ANO4: variants seen among roughly 807,000 people sequenced by gnomAD.
ANO4 encodes anoctamin 4.
In ANO4, 69 loss-of-function variants were observed where a neutral mutation model predicts 141.9. That is an observed-to-expected ratio of 0.49 (90% CI 0.40 to 0.59). The LOEUF is 0.59. ANO4 is among the 20% of genes least tolerant of loss of function. The probability of loss-of-function intolerance (pLI) is 0.00; values close to 1 mark genes in which losing one functional copy is unlikely to be tolerated. For missense variants in ANO4, 894 were observed against 1,162.2 expected (o/e 0.77, Z 3.36); for synonymous variants, 350 against 394.3 (o/e 0.89, Z 1.33).
intron 3 of ANO4, among the ~76,000 whole-genome samples, chr12:100,771,368 C>T (rs2033290424): frequency 6.6e-6 from 1 of 152,168 alleles, no homozygotes; most frequent in South Asian, 2.1e-4. Context: ...GCTGAGCTGT[C>T]AGGTGTCAGG....
At chr12:100,843,876 G>A (rs2037409587) in intron 1 of ANO4, among the ~76,000 whole-genome samples, 1 of 152,140 alleles carries the variant, frequency 6.6e-6, no homozygotes, top group Non-Finnish European at 1.5e-5. Flanking sequence ...AAAGACTGTT[G>A]GAGTTATTAG....
At chr12:100,949,549 T>C (rs890253989) in intron 5 of ANO4, among the ~76,000 whole-genome samples, 1 of 152,234 alleles carries the variant, frequency 6.6e-6, no homozygotes, top group African/African-American at 2.4e-5. Context: ...TCATTACTGT[T>C]ATCATAACGG....
At position 101,043,762 on chromosome 12, in the gene ANO4, T is replaced by C. The variant is rs955700595; in HGVS notation, c.1251+127T>C. 15 of 666,974 alleles carry C rather than the reference T, an allele frequency of 2.2e-5. No individual in the cohort carries two copies. In the African/African-American group the frequency reaches 2.3e-4, roughly 10 times the overall value. 41.3% of individuals were successfully genotyped at this position (666,974 alleles called of 1,614,324 possible). A position where few individuals can be genotyped will look rare whatever the true frequency, so the allele number is the denominator to read the frequency against. On this transcript the variant is annotated intron_variant, in intron 13 of 27. Transcript: ENST00000392977. ...AAGTGAATGTTGTAGGATAGACTTA[T>C]CTCCATCATTCAGTATTCTAATTCC...
rs538984986 is a variant in ANO4, at chr12:100,922,580, T to C, written c.160+250T>C. Among the ~76,000 whole-genome samples the C allele has an allele frequency of 3.3e-5, 5 of 152,288 alleles. No individual in the cohort carries two copies. In the East Asian group the frequency reaches 9.7e-4, roughly 29 times the overall value. ...ATAACGGAATGATCAATTCTGTATA[T>C]TGTATTTCATGTAATAATATTTAGT... On this transcript the variant is annotated intron_variant, in intron 3 of 27. Transcript: ENST00000392977.
At chr12:101,006,869 T>C (rs1247495646) in intron 8 of ANO4, among the ~76,000 whole-genome samples, 1 of 152,222 alleles carries the variant, frequency 6.6e-6, no homozygotes, top group African/African-American at 2.4e-5. Context: ...CAATTATATT[T>C]GCAAACTTTT....
intron 22 of ANO4, 146 bp downstream of exon 22, chr12:101,099,866 C>T (rs1468242451): frequency 1.8e-6 from 1 of 543,584 alleles, no homozygotes; most frequent in Non-Finnish European, 2.9e-6. Flanking sequence ...CCTGCTTAAA[C>T]TGTGCTACAC....
chr12:100,947,937 A>G (rs1206421609), intron 5 of ANO4, among the ~76,000 whole-genome samples: 1 of 152,104 alleles, frequency 6.6e-6, no homozygotes, highest in Non-Finnish European at 1.5e-5. Flanking sequence ...TAATCCCAGC[A>G]CTTTGGGAGG....
At chr12:100,725,094 A>G (rs2031049058) in intron 1 of ANO4, among the ~76,000 whole-genome samples, 1 of 152,168 alleles carries the variant, frequency 6.6e-6, no homozygotes, top group South Asian at 2.1e-4. Context: ...GATGGTGAAT[A>G]TTTTTGCAAA....
chr12:100,850,930 A>G (rs556512891), intron 1 of ANO4, among the ~76,000 whole-genome samples: 1 of 152,136 alleles, frequency 6.6e-6, no homozygotes, highest in Non-Finnish European at 1.5e-5. Context: ...TGAGATATTA[A>G]TATTCTATAT....
rs768011354 is a variant in ANO4 at position 100,939,353 on chromosome 12, G to A, written c.199G>A (p.Ala67Thr). 1.9e-6 allele frequency: 3 copies of A among 1,613,316 alleles called. No individual in the cohort carries two copies. The highest frequency in any genetic ancestry group is 4.5e-5 in the East Asian group (2 of 44,876). Residue 67 changes from alanine (A) to threonine (T), a missense_variant, in exon 4 of 28, where the codon GCT becomes ACT. Around this residue, in one of 2 missense-constraint regions of ANO4, gnomAD observed 257 missense variants for 253.0 expected, o/e 1.02. Transcript: ENST00000392977. The stretch of plus-strand genomic sequence containing the variant: ...CAATATTCTTTTTGATGAATTAGAA[G>A]CTGTCAGCAGTCCTTGCAAAGATGA... ...DVNILFDELE[A>T]VSSPCKDDDS...
At chr12:100,847,238 A>G (rs889787040) in intron 1 of ANO4, among the ~76,000 whole-genome samples, 4 of 152,252 alleles carry the variant, frequency 2.6e-5, no homozygotes, top group African/African-American at 7.2e-5. Context: ...GAATGAGTGA[A>G]TGAATACATT....
intron 14 of ANO4, among the ~76,000 whole-genome samples, chr12:101,078,343 ATGTG>A (rs10601650): frequency 0.018 from 2,762 of 150,346 alleles, 103 homozygotes; most frequent in African/African-American, 0.064. Flanking sequence ...GTCTGTATGC[ATGTG>A]TGTGTGTGTG....
At chr12:100,994,759 C>T (rs1256263701) in intron 8 of ANO4, among the ~76,000 whole-genome samples, 1 of 152,174 alleles carries the variant, frequency 6.6e-6, no homozygotes, top group East Asian at 1.9e-4. Flanking sequence ...AGTTGTTGCT[C>T]TGGGTGCTTG....
At chr12:100,735,840 G>A (rs1245197179) in intron 2 of ANO4, among the ~76,000 whole-genome samples, 1 of 152,104 alleles carries the variant, frequency 6.6e-6, no homozygotes, top group Non-Finnish European at 1.5e-5. Flanking sequence ...AATGCCTCAC[G>A]GAAAATTAGA....
At chr12:100,717,384 C>G, upstream of ANO4, 1 of 341,224 alleles carries the variant, frequency 2.9e-6, no homozygotes, top group East Asian at 4.4e-5. Context: ...GGCGCGCTGA[C>G]TGGGCGTGCT....
chr12:100,802,059 G>T (rs2034731285), intron 1 of ANO4, among the ~76,000 whole-genome samples: 1 of 152,162 alleles, frequency 6.6e-6, no homozygotes, highest in Admixed American at 6.5e-5. Context: ...TCACAAGGAA[G>T]TGAAGCCGGG....
intron 4 of ANO4, among the ~76,000 whole-genome samples, chr12:100,940,576 T>A (rs2042468378): frequency 6.6e-6 from 1 of 152,166 alleles, no homozygotes; most frequent in African/African-American, 2.4e-5. Context: ...CAAAACATAG[T>A]GAGGATTGGT....
intron 9 of ANO4, among the ~76,000 whole-genome samples, chr12:101,028,753 A>G (rs1185973564): frequency 6.6e-6 from 1 of 152,202 alleles, no homozygotes; most frequent in African/African-American, 2.4e-5. Context: ...CTGGAAAACA[A>G]ACTTCAGGAT....
intron 1 of ANO4, among the ~76,000 whole-genome samples, chr12:100,719,165 A>G (rs1445952702): frequency 6.6e-6 from 1 of 152,238 alleles, no homozygotes; most frequent in Non-Finnish European, 1.5e-5. Flanking sequence ...TTAGACCCTT[A>G]AAGAGAACTG....
Sources: gnomAD v4.1 joint callset for allele counts (sites outside exome capture counted in the v4.1 genomes callset) on GRCh38, gnomAD v4.1.1 for gene constraint, gnomAD v4.1.1 regional missense constraint, MANE v1.5 for transcripts, NCBI Gene and HGNC (gene_info 2026-07-23, HGNC 2026-07-21) for gene names.